VRK2: variants seen among roughly 807,000 people sequenced by gnomAD.
VRK2 encodes serine/threonine-protein kinase VRK2.
A neutral mutation model predicts 57.6 loss-of-function variants in VRK2; 60 were observed. The observed-to-expected ratio is 1.04, with a 90% confidence interval of 0.85 to 1.29. The LOEUF (loss-of-function observed/expected upper bound fraction) is 1.29, where lower values mean the gene tolerates loss of function less well. VRK2 is among the 50% of genes most tolerant of loss of function. The pLI, the probability that VRK2 is intolerant of heterozygous loss-of-function variation, is 0.00. For synonymous variants in VRK2, 231 were observed against 199.2 expected (o/e 1.16, Z -1.35); for missense variants, 705 against 588.1 (o/e 1.20, Z -2.06).
At chr2:58,055,258 G>T (rs551294887) in intron 2 of VRK2, among the ~76,000 whole-genome samples, 3 of 152,274 alleles carry the variant, frequency 2.0e-5, no homozygotes, top group South Asian at 2.1e-4. Flanking sequence ...TAGCAGATGG[G>T]TATGGGCAAA....
At chr2:57,947,948 G>A (rs949187887) in intron 1 of VRK2, among the ~76,000 whole-genome samples, 62 of 152,036 alleles carry the variant, frequency 4.1e-4, no homozygotes, top group Admixed American at 4.0e-3. Context: ...TTATAAATAA[G>A]CATTGCTGAG....
chr2:58,058,215 C>A, intron 2 of VRK2: 1 of 366,008 alleles, frequency 2.7e-6, no homozygotes, highest in South Asian at 2.1e-5. Flanking sequence ...TTTCAAAACC[C>A]TAAATTTAAT....
chr2:58,159,749 A>ATGT lies in VRK2; in HGVS notation c.*60_*62dup. The ATGT allele has an allele frequency of 6.2e-7, 1 of 1,613,112 alleles. No homozygotes were observed. Among genetic ancestry groups the ATGT allele is most frequent in the Non-Finnish European group, 8.5e-7 (1 of 1,179,600 alleles). On this transcript the variant is annotated 3_prime_UTR_variant, in exon 13 of 13. Transcript: ENST00000340157. ...TTTAAGTTTCCAGCTCTTCACCGAA[A>ATGT]TGTTGTATTCTTATTTCAGTGTTTC...
chr2:58,118,814 A>G (rs1260043527), intron 7 of VRK2, among the ~76,000 whole-genome samples: 1 of 152,020 alleles, frequency 6.6e-6, no homozygotes, highest in Non-Finnish European at 1.5e-5. Flanking sequence ...GAAGGGAGAT[A>G]GGGGTGGGGC....
In VRK2 at chr2:57,931,273, C is replaced by T. The variant is rs1005918020; in HGVS notation, c.-439+23434C>T. ...CCCACCAAAAGTGTACAAGAGTTCCCTTTTCTTGACATCCTTGGCTGTTAT... is the reference window on the plus strand; with the variant it reads ...CCCACCAAAAGTGTACAAGAGTTCCTTTTTCTTGACATCCTTGGCTGTTAT... On this transcript the variant is annotated intron_variant, in intron 1 of 15. Coordinates refer to the VRK2 transcript ENST00000417641. Among the ~76,000 whole-genome samples the T allele has an allele frequency of 3.9e-5, 6 of 152,086 alleles. 1 individual carries two copies. The highest frequency in any genetic ancestry group is 7.4e-5 in the Non-Finnish European group (5 of 68,000).
chr2:58,015,693 T>C (rs546528112), intron 1 of VRK2, among the ~76,000 whole-genome samples: 6 of 152,340 alleles, frequency 3.9e-5, no homozygotes, highest in East Asian at 1.9e-4. Flanking sequence ...AGTTATTTTA[T>C]TAAAATCCAC....
At chr2:58,012,804 T>C (rs1673453165) in intron 1 of VRK2, among the ~76,000 whole-genome samples, 1 of 152,192 alleles carries the variant, frequency 6.6e-6, no homozygotes, top group Admixed American at 6.5e-5. Flanking sequence ...TATAACACAG[T>C]GGAAAAATCA....
At chr2:58,064,689 A>G (rs764074394) in intron 2 of VRK2, among the ~76,000 whole-genome samples, 3 of 152,136 alleles carry the variant, frequency 2.0e-5, no homozygotes, top group Admixed American at 6.6e-5. Context: ...GAAACATTCC[A>G]TTACTAAAAG....
At chr2:57,969,929 C>G (rs998080527) in intron 1 of VRK2, among the ~76,000 whole-genome samples, 3 of 151,864 alleles carry the variant, frequency 2.0e-5, no homozygotes, top group African/African-American at 4.8e-5. Flanking sequence ...TTCCATTGAC[C>G]CCTTGGTATG....
In VRK2 at chr2:57,979,305, C is replaced by T. The variant is rs112501154; in HGVS notation, c.-438-46360C>T. Among the ~76,000 whole-genome samples the T allele has an allele frequency of 2.0e-5, 3 of 151,222 alleles. 1 individual carries two copies. Among genetic ancestry groups the T allele is most frequent in the African/African-American group, 7.4e-5 (3 of 40,542 alleles). ...CAACAGTGTAAAAGCATTCCTATTT[C>T]TCCATAGCCTGGCCAGCGTCTATTG... is the stretch of plus-strand genomic sequence containing the variant. On this transcript the variant is annotated intron_variant, in intron 1 of 15. Coordinates refer to the VRK2 transcript ENST00000417641.
Position 58,159,338 on chromosome 2 carries a change from T to G in VRK2, c.1183-11T>G, listed in dbSNP as rs772225810. Reference sequence around the variant, plus strand: ...CTAACAAACTAAACTATATATGTATTTTTTCCATAGGAAAGCACAAGGAGA... The same window carrying G: ...CTAACAAACTAAACTATATATGTATGTTTTCCATAGGAAAGCACAAGGAGA... On this transcript the variant is annotated splice_polypyrimidine_tract_variant and intron_variant, in intron 12 of 12. Transcript: ENST00000340157. 28 of 1,581,952 alleles carry G rather than the reference T, an allele frequency of 1.8e-5. No individual in the cohort carries two copies. Among genetic ancestry groups the G allele is most frequent in the Non-Finnish European group, 2.2e-5 (26 of 1,167,332 alleles).
intron 12 of VRK2, 145 bp from the exon 13 acceptor site, chr2:58,159,204 C>A: frequency 1.7e-6 from 1 of 588,084 alleles, no homozygotes; most frequent in South Asian, 3.1e-5. Context: ...AAGATCTTTA[C>A]CTAAAAATTA....
In VRK2 at chr2:57,963,162, C is replaced by A. The variant is rs1671811719; in HGVS notation, c.-439+55323C>A. Among the ~76,000 whole-genome samples the A allele has an allele frequency of 2.0e-5, 3 of 152,196 alleles. No individual in the cohort carries two copies. The South Asian group carries it at 6.2e-4, about 32-fold the overall frequency. ...AGATGTCACAGCTAGTTCCCCAAAG[C>A]TAGATACCAGTCCTCTACTGTTATT... On this transcript the variant is annotated intron_variant, in intron 1 of 15. Coordinates refer to the VRK2 transcript ENST00000417641.
chr2:58,022,228 T>G (rs1334678823), intron 1 of VRK2, among the ~76,000 whole-genome samples: 1 of 152,202 alleles, frequency 6.6e-6, no homozygotes, highest in Non-Finnish European at 1.5e-5. Context: ...ATGACTGAGA[T>G]GAGCAACATG....
At chr2:58,135,969 T>A (rs1371354305) in intron 10 of VRK2, among the ~76,000 whole-genome samples, 1 of 152,200 alleles carries the variant, frequency 6.6e-6, no homozygotes, top group African/African-American at 2.4e-5. Flanking sequence ...GTTTTCTGTT[T>A]ACACTGGACA....
intron 1 of VRK2, among the ~76,000 whole-genome samples, chr2:58,021,544 A>T (rs1013359006): frequency 6.6e-6 from 1 of 152,348 alleles, no homozygotes. Context: ...ATGACCGTTT[A>T]TCTGGGTTTA....
rs534944808 is a variant in VRK2, at chr2:58,129,761, T to C, written c.677-2047T>C. 5.9e-5 allele frequency among the ~76,000 whole-genome samples: 9 copies of C among 152,292 alleles called. No homozygotes were observed. In the South Asian group the frequency reaches 1.9e-3, roughly 32 times the overall value. On this transcript the variant is annotated intron_variant, in intron 8 of 12. Transcript: ENST00000340157. ...TCAATTTGCTTTTCTGAGAGGGAAT[T>C]TCAGGTAGAGGTATGTAGTCAGAAA...
At position 58,131,805 on chromosome 2, in the gene VRK2, T is replaced by C. The variant is rs932116740; in HGVS notation, c.677-3T>C. The C allele has an allele frequency of 1.4e-5, 22 of 1,608,306 alleles. No individual in the cohort carries two copies. The African/African-American group carries it at 2.5e-4, about 19-fold the overall frequency. ...TCTTTCTCTCTAATGCTTACTCCTA[T>C]AGCCTTGTCCAGACGAAGTGACGTT... is the stretch of plus-strand genomic sequence containing the variant. On this transcript the variant is annotated splice_region_variant and splice_polypyrimidine_tract_variant and intron_variant, in intron 8 of 12. Transcript: ENST00000340157.
intron 1 of VRK2, among the ~76,000 whole-genome samples, chr2:57,929,507 G>A (rs2103927545): frequency 6.6e-6 from 1 of 152,294 alleles, no homozygotes; most frequent in African/African-American, 2.4e-5. Context: ...CAAGAACCAA[G>A]GCCTGGAATC....
Sources: allele counts gnomAD v4.1 joint callset (sites outside exome capture counted in the v4.1 genomes callset), GRCh38; gene constraint gnomAD v4.1.1; transcripts MANE v1.5; gene names NCBI Gene and HGNC (gene_info 2026-07-23, HGNC 2026-07-21).